The following RAB38 variants were observed in gnomAD, a reference collection of about 807,000 sequenced individuals.
The protein encoded by RAB38 is ras-related protein Rab-38.
In RAB38, 15 loss-of-function variants were observed where a neutral mutation model predicts 18.4. The ratio of observed to expected loss-of-function variants is 0.82; its 90% confidence interval spans 0.55 to 1.26. The LOEUF (loss-of-function observed/expected upper bound fraction) is 1.26, where lower values mean the gene tolerates loss of function less well. Ranked by LOEUF, RAB38 falls within the 50% of genes most tolerant of loss-of-function variation. The pLI is 0.00. For synonymous variants in RAB38, 101 were observed against 104.4 expected (o/e 0.97, Z 0.20); for missense variants, 294 against 267.4 (o/e 1.10, Z -0.69).
At chr11:87,823,558 A>C in the RAB38 span, among the ~76,000 whole-genome samples, 1 of 152,196 alleles carries the variant, frequency 6.6e-6, no homozygotes, top group South Asian at 2.1e-4. Flanking sequence ...ATCTAACATA[A>C]GAATAGAAAT....
At chr11:87,898,557 C>G in the RAB38 span, among the ~76,000 whole-genome samples, 1 of 151,702 alleles carries the variant, frequency 6.6e-6, no homozygotes, top group African/African-American at 2.4e-5. Flanking sequence ...ATTCTCAGTG[C>G]TGAGCCTAAC....
chr11:88,005,730 G>T, the RAB38 span, among the ~76,000 whole-genome samples: 3 of 151,378 alleles, frequency 2.0e-5, no homozygotes, highest in South Asian at 6.2e-4. Context: ...GTAGTTTGGG[G>T]TCTTACGTTT....
the RAB38 span, among the ~76,000 whole-genome samples, chr11:88,027,148 T>C: frequency 6.6e-6 from 1 of 152,308 alleles, no homozygotes; most frequent in East Asian, 1.9e-4. Flanking sequence ...CCTTTCTATT[T>C]CTAGTTTTCT....
At position 88,149,741 on chromosome 11, in the gene RAB38, A is replaced by T. The variant is rs1196966340; in HGVS notation, c.417T>A (p.Asn139Lys). ...TGCAGAACTGGTCCATCTTGAGGCC[A>T]TTGTTCATGAGCACATCCTTCCCCT... ...CDQGKDVLMN[N>K]GLKMDQFCKE... is the part of the protein sequence containing the mutation. The change falls in exon 2 of 3, where the codon AAT becomes AAA. Residue 139 changes from asparagine (N) to lysine (K), a missense_variant. Coordinates refer to ENST00000243662, the MANE Select transcript of RAB38 (RefSeq NM_022337.3). 1 of 1,614,054 alleles carries T rather than the reference A, an allele frequency of 6.2e-7. No homozygotes were observed. Among genetic ancestry groups the T allele is most frequent in the Non-Finnish European group, 8.5e-7 (1 of 1,180,038 alleles).
chr11:88,132,672 T>C (rs1190355728), intron 2 of RAB38, among the ~76,000 whole-genome samples: 8 of 152,046 alleles, frequency 5.3e-5, no homozygotes, highest in African/African-American at 1.4e-4. Flanking sequence ...TTGGTCAGAC[T>C]GGTCTTCAAC....
intron 2 of RAB38, among the ~76,000 whole-genome samples, chr11:88,132,084 A>C (rs561494685): frequency 6.6e-5 from 10 of 152,346 alleles, no homozygotes; most frequent in African/African-American, 2.2e-4. Flanking sequence ...TATGACCAGC[A>C]TCTTGGTTTT....
At chr11:88,165,132 T>C (rs1012420049) in intron 1 of RAB38, among the ~76,000 whole-genome samples, 1 of 152,134 alleles carries the variant, frequency 6.6e-6, no homozygotes, top group African/African-American at 2.4e-5. Flanking sequence ...TTAAAATATA[T>C]AATGAGCACC....
At chr11:88,039,693 T>C in the RAB38 span, among the ~76,000 whole-genome samples, 1 of 152,170 alleles carries the variant, frequency 6.6e-6, no homozygotes, top group African/African-American at 2.4e-5. Flanking sequence ...GGCTCAACAA[T>C]AGGACCTAAA....
chr11:87,856,786 A>G, the RAB38 span, among the ~76,000 whole-genome samples: 14 of 152,134 alleles, frequency 9.2e-5, no homozygotes, highest in Non-Finnish European at 1.9e-4. Context: ...CTTGTAAATG[A>G]AATAAAGTAT....
chr11:88,003,854 T>TATATTA, the RAB38 span, among the ~76,000 whole-genome samples: 191 of 3,758 alleles, frequency 0.051, 48 homozygotes, highest in East Asian at 0.58. Context: ...ATATATATAA[T>TATATTA]TATATAAATA....
chr11:87,968,659 A>C, the RAB38 span, among the ~76,000 whole-genome samples: 2 of 152,180 alleles, frequency 1.3e-5, no homozygotes, highest in Non-Finnish European at 2.9e-5. Context: ...TCACTGAGAA[A>C]GTCTAGCTAA....
At chr11:88,067,880 C>T in the RAB38 span, among the ~76,000 whole-genome samples, 17 of 150,350 alleles carry the variant, frequency 1.1e-4, no homozygotes, top group African/African-American at 3.2e-4. Flanking sequence ...CAAACCTGCA[C>T]GTTCTACACA....
intron 1 of RAB38, among the ~76,000 whole-genome samples, chr11:88,151,333 G>A (rs1319391775): frequency 6.6e-6 from 1 of 152,172 alleles, no homozygotes; most frequent in Non-Finnish European, 1.5e-5. Flanking sequence ...TGAAATCAGA[G>A]TTTCAGATCA....
chr11:87,950,947 G>A, the RAB38 span, among the ~76,000 whole-genome samples: 12 of 152,214 alleles, frequency 7.9e-5, no homozygotes, highest in South Asian at 2.1e-3. Context: ...TGCTAGATTG[G>A]GGAAGTTCTC....
chr11:88,117,979 A>G (rs1308380118), intron 2 of RAB38, among the ~76,000 whole-genome samples: 4 of 152,204 alleles, frequency 2.6e-5, no homozygotes, highest in Non-Finnish European at 5.9e-5. Context: ...TGAGCTTCAG[A>G]CAGGGAAAGT....
chr11:87,868,614 A>AGAGAGAGAAG, the RAB38 span, among the ~76,000 whole-genome samples: 1 of 144,000 alleles, frequency 6.9e-6, no homozygotes, highest in Non-Finnish European at 1.5e-5. Context: ...AGAGAGAGAG[A>AGAGAGAGAAG]GAGAGAGAGA....
chr11:87,964,268 C>T, the RAB38 span, among the ~76,000 whole-genome samples: 1 of 152,044 alleles, frequency 6.6e-6, no homozygotes, highest in Non-Finnish European at 1.5e-5. Context: ...GTCAGCAGGT[C>T]AGCAGTAGCC....
At chr11:87,969,016 G>A in the RAB38 span, among the ~76,000 whole-genome samples, 2 of 152,098 alleles carry the variant, frequency 1.3e-5, no homozygotes, top group African/African-American at 2.4e-5. Context: ...TATATCCTGT[G>A]TACTTTGTCT....
At chr11:88,172,300 C>T (rs1943319289) in intron 1 of RAB38, among the ~76,000 whole-genome samples, 1 of 152,216 alleles carries the variant, frequency 6.6e-6, no homozygotes, top group Non-Finnish European at 1.5e-5. Context: ...GATTTATCAT[C>T]TTGTTTCAAG....
Sources: allele counts gnomAD v4.1 joint callset (sites outside exome capture counted in the v4.1 genomes callset), GRCh38; gene constraint gnomAD v4.1.1; transcripts MANE v1.5; gene names NCBI Gene and HGNC (gene_info 2026-07-23, HGNC 2026-07-21).